The following PJA2 variants were observed in gnomAD, a reference collection of about 807,000 sequenced individuals.
PJA2 encodes the protein praja ring finger ubiquitin ligase 2.
PJA2 carries 25 observed loss-of-function variants against 69.3 expected under a neutral mutation model. The observed-to-expected ratio is 0.36, with a 90% CI of 0.26 to 0.50. PJA2 has a LOEUF of 0.50. Ranked by LOEUF, PJA2 falls within the 20% of genes least tolerant of loss-of-function variation. The pLI, the probability that PJA2 is intolerant of heterozygous loss-of-function variation, is 0.96. For synonymous variants in PJA2, 308 were observed against 277.8 expected (o/e 1.11, Z -1.08); for missense variants, 809 against 830.2 (o/e 0.97, Z 0.31).
chr5:109,383,475 T>A lies in PJA2; in HGVS notation c.-42A>T. On this transcript the variant is annotated 5_prime_UTR_variant, in exon 2 of 10. Transcript: ENST00000361189. ...GTGACCAGTTCAGTAGAATTATAGATGTGATTTAGTTTTTATTCACACTAT... is the reference window on the plus strand; with the variant it reads ...GTGACCAGTTCAGTAGAATTATAGAAGTGATTTAGTTTTTATTCACACTAT... 2.6e-6 allele frequency: 4 copies of A among 1,540,924 alleles called. No homozygotes were observed. Among genetic ancestry groups the A allele is most frequent in the Non-Finnish European group, 3.6e-6 (4 of 1,120,712 alleles).
chr5:109,344,558 T>C, intron 8 of PJA2, 147 bp downstream of exon 8: 1 of 635,604 alleles, frequency 1.6e-6, no homozygotes, highest in Non-Finnish European at 2.6e-6. Flanking sequence ...ATTCTTGTAC[T>C]AGGTGAAAGT....
intron 9 of PJA2, among the ~76,000 whole-genome samples, chr5:109,340,562 G>A (rs538003349): frequency 6.8e-6 from 1 of 147,238 alleles, no homozygotes; most frequent in Admixed American, 6.9e-5. Flanking sequence ...AGAGAAGACT[G>A]AAATAAAACA....
intron 1 of PJA2, among the ~76,000 whole-genome samples, chr5:109,404,010 G>A (rs566635802): frequency 2.0e-5 from 3 of 152,226 alleles, no homozygotes; most frequent in Admixed American, 1.3e-4. Context: ...GGCGGAGGCT[G>A]TAGTGAGCTG....
chr5:109,390,824 T>C (rs909926876), intron 1 of PJA2: 3 of 152,180 alleles, frequency 2.0e-5, no homozygotes, highest in African/African-American at 7.2e-5. Context: ...CTAAATAACT[T>C]ACCTTTCTCT....
chr5:109,348,884 T>C (rs1762208878), intron 7 of PJA2, among the ~76,000 whole-genome samples: 1 of 152,242 alleles, frequency 6.6e-6, no homozygotes, highest in Non-Finnish European at 1.5e-5. Context: ...GTTTTATGTA[T>C]CTGCTTATTT....
intron 1 of PJA2, among the ~76,000 whole-genome samples, chr5:109,401,175 T>C (rs1275033693): frequency 2.0e-5 from 3 of 151,746 alleles, no homozygotes; most frequent in East Asian, 1.9e-4. Flanking sequence ...TCGCAGATAC[T>C]TGGGAGACTG....
At position 109,344,266 on chromosome 5, in the gene PJA2, A is replaced by C; in HGVS notation, c.1925T>G (p.Ile642Ser). 3 of 1,611,764 alleles carry C rather than the reference A, an allele frequency of 1.9e-6. No homozygotes were observed. The highest frequency in any genetic ancestry group is 2.5e-6 in the Non-Finnish European group (3 of 1,178,930). Reference protein sequence around the residue: ...QCCPICCSEYIKDDIATELPC... With the variant: ...QCCPICCSEYSKDDIATELPC... ...CAACTCTGTTGCTATATCATCCTTAATATACTCACTGCAACAGATTGGACA... is the reference window on the plus strand; with the variant it reads ...CAACTCTGTTGCTATATCATCCTTACTATACTCACTGCAACAGATTGGACA... The change falls in exon 9 of 10, where the codon ATT becomes AGT. Residue 642 changes from isoleucine (I) to serine (S), a missense_variant. This residue lies in a region of PJA2 where 19 missense variants were observed against 62.9 expected (regional missense o/e 0.30). Coordinates refer to ENST00000361189, the MANE Select transcript of PJA2 (RefSeq NM_014819.5).
chr5:109,407,142 G>GT (rs1201345496), intron 1 of PJA2, among the ~76,000 whole-genome samples: 6 of 152,088 alleles, frequency 3.9e-5, no homozygotes, highest in African/African-American at 1.4e-4. Context: ...TGGTCACAGA[G>GT]CACATATTTG....
intron 5 of PJA2, among the ~76,000 whole-genome samples, chr5:109,366,018 A>G (rs1330269291): frequency 6.6e-6 from 1 of 152,070 alleles, no homozygotes; most frequent in Admixed American, 6.5e-5. Flanking sequence ...ATTTATTCCC[A>G]TTTTTTATTC....
intron 4 of PJA2, among the ~76,000 whole-genome samples, chr5:109,372,313 A>T (rs1172486178): frequency 6.6e-6 from 1 of 152,226 alleles, no homozygotes; most frequent in African/African-American, 2.4e-5. Flanking sequence ...TATTTCAAAC[A>T]GTGTCCTCAA....
chr5:109,381,447 T>C, intron 3 of PJA2, 56 bp downstream of exon 3: 1 of 1,470,490 alleles, frequency 6.8e-7, no homozygotes, highest in South Asian at 1.2e-5. Context: ...AATTTAATTA[T>C]AAGATCAATT....
intron 9 of PJA2, among the ~76,000 whole-genome samples, chr5:109,342,459 G>A (rs1238342202): frequency 0.029 from 1,836 of 63,330 alleles, no homozygotes; most frequent in South Asian, 0.035. Flanking sequence ...CAGCCGCCCC[G>A]TCCGGGAGGG....
At chr5:109,353,729 TATC>T (rs1762327806) in intron 7 of PJA2, among the ~76,000 whole-genome samples, 3 of 147,852 alleles carry the variant, frequency 2.0e-5, no homozygotes, top group Non-Finnish European at 3.0e-5. Context: ...TAGATACCTA[TATC>T]TAGATATCTA....
chr5:109,398,598 T>A (rs1747469449), intron 1 of PJA2, among the ~76,000 whole-genome samples: 1 of 118,816 alleles, frequency 8.4e-6, no homozygotes, highest in Admixed American at 1.2e-4. Context: ...CCCTTGGATA[T>A]AGGAAGGGGA....
chr5:109,385,694 A>T (rs897594717), intron 1 of PJA2, among the ~76,000 whole-genome samples: 11 of 152,198 alleles, frequency 7.2e-5, no homozygotes, highest in Non-Finnish European at 1.6e-4. Flanking sequence ...TGGAGAAGTG[A>T]AGTTAAGCCC....
chr5:109,339,035 G>C (rs891289536), intron 9 of PJA2, among the ~76,000 whole-genome samples: 1 of 152,200 alleles, frequency 6.6e-6, no homozygotes, highest in African/African-American at 2.4e-5. Context: ...AGATGGTATA[G>C]GGAAAAATCA....
chr5:109,378,427 C>G lies in PJA2; in HGVS notation c.1060G>C (p.Glu354Gln). ...ATTAAGAGGTCATCTGAGCCACTTT[C>G]CTCAACTTCCAAAGCCTCTCTCCAT... ...QRWREALEVE[E>Q]SGSDDLLIKC... Residue 354 changes from glutamate to glutamine, a missense_variant, in exon 4 of 10, where the codon GAA (glutamate) becomes CAA (glutamine). This residue lies in a region of PJA2 where 700 missense variants were observed against 639.5 expected (regional missense o/e 1.09). Coordinates refer to ENST00000361189, the MANE Select transcript of PJA2 (RefSeq NM_014819.5). 1 of 1,614,120 alleles carries G rather than the reference C, an allele frequency of 6.2e-7. No homozygotes were observed.
rs1486591448 is a variant in PJA2, at chr5:109,353,356, AT to A, written c.1764+2558del. 2.5e-3 allele frequency among the ~76,000 whole-genome samples: 352 copies of A among 141,504 alleles called. 3 individuals carry two copies. Among genetic ancestry groups the A allele is most frequent in the African/African-American group, 7.5e-3 (297 of 39,720 alleles). 92.8% of individuals were successfully genotyped at this position (141,504 alleles called of 152,430 possible). On this transcript the variant is annotated intron_variant, in intron 7 of 9. Transcript: ENST00000361189. ...GATACCTATAATATCATAGACATCT[AT>A]ATATTAGATACCTATTATATCTATA...
chr5:109,355,896 A>G lies in PJA2; in HGVS notation c.1764+19T>C, dbSNP rs1471495060. 6 of 1,535,996 alleles carry G rather than the reference A, an allele frequency of 3.9e-6. No homozygotes were observed. The highest frequency in any genetic ancestry group is 1.7e-4 in the Middle Eastern group (1 of 5,908). ...GTATCCCATCAACTTATATATGGAG[A>G]TCAGAGTTATGAACATACCTCCATA... On this transcript the variant is annotated intron_variant, in intron 7 of 9. Coordinates refer to ENST00000361189, the MANE Select transcript of PJA2 (RefSeq NM_014819.5).
Sources: gnomAD v4.1 joint callset for allele counts (sites outside exome capture counted in the v4.1 genomes callset) on GRCh38, gnomAD v4.1.1 for gene constraint, gnomAD v4.1.1 regional missense constraint, MANE v1.5 for transcripts, NCBI Gene and HGNC (gene_info 2026-07-23, HGNC 2026-07-21) for gene names.